The following CSMD3 variants were observed in gnomAD, a reference collection of about 807,000 sequenced individuals.
CSMD3 encodes CUB and sushi domain-containing protein 3.
In CSMD3, 177 loss-of-function variants were observed where a neutral mutation model predicts 435.2. The ratio of observed to expected loss-of-function variants is 0.41; its 90% confidence interval spans 0.36 to 0.46. The LOEUF (loss-of-function observed/expected upper bound fraction) is 0.46, where lower values mean the gene tolerates loss of function less well. CSMD3 is among the 20% of genes least tolerant of loss of function. The pLI is 0.34. For synonymous variants in CSMD3, 1,656 were observed against 1,520.5 expected (o/e 1.09, Z -2.07); for missense variants, 4,265 against 4,504.6 (o/e 0.95, Z 1.52).
chr8:112,732,504 A>G (rs2132019218), intron 13 of CSMD3, among the ~76,000 whole-genome samples: 1 of 151,882 alleles, frequency 6.6e-6, no homozygotes, highest in East Asian at 1.9e-4. Context: ...GCCGAGGTGC[A>G]AGGATCACTT....
chr8:113,306,272 A>G (rs1315224565), intron 2 of CSMD3, among the ~76,000 whole-genome samples: 1 of 152,178 alleles, frequency 6.6e-6, no homozygotes, highest in African/African-American at 2.4e-5. Context: ...GTTTTATTAT[A>G]TAAGAGAGAG....
intron 4 of CSMD3, among the ~76,000 whole-genome samples, chr8:113,146,795 G>T (rs1315376998): frequency 6.6e-6 from 1 of 151,486 alleles, no homozygotes; most frequent in Non-Finnish European, 1.5e-5. Flanking sequence ...GAAAATCTTA[G>T]AATTATAAAG....
At chr8:112,611,322 T>C (rs187449318) in intron 22 of CSMD3, among the ~76,000 whole-genome samples, 34 of 152,264 alleles carry the variant, frequency 2.2e-4, no homozygotes, top group Admixed American at 1.6e-3. Context: ...CTTATAGGTA[T>C]CATGGAGAAT....
chr8:112,667,873 T>C (rs1458347657), intron 16 of CSMD3, among the ~76,000 whole-genome samples: 1 of 152,194 alleles, frequency 6.6e-6, no homozygotes, highest in Non-Finnish European at 1.5e-5. Flanking sequence ...CATGTGTTTA[T>C]ATTTTTCCTA....
chr8:113,417,691 C>A (rs1277623879), intron 1 of CSMD3, among the ~76,000 whole-genome samples: 1 of 151,806 alleles, frequency 6.6e-6, no homozygotes, highest in Non-Finnish European at 1.5e-5. Context: ...AAGTAAGAGA[C>A]CTGAAACAAT....
intron 32 of CSMD3, among the ~76,000 whole-genome samples, chr8:112,458,317 C>T (rs1250335566): frequency 7.5e-6 from 1 of 132,530 alleles, no homozygotes; most frequent in African/African-American, 2.6e-5. Context: ...TTTTTTAAAC[C>T]CCATGTTTCC....
At chr8:112,768,098 GTTC>G (rs1343221944) in intron 13 of CSMD3, among the ~76,000 whole-genome samples, 4 of 151,576 alleles carry the variant, frequency 2.6e-5, no homozygotes, top group East Asian at 1.9e-4. Flanking sequence ...TATAGTTTAT[GTTC>G]TTCTTTCTTT....
intron 32 of CSMD3, among the ~76,000 whole-genome samples, chr8:112,440,316 A>G (rs1301509898): frequency 6.6e-6 from 1 of 152,148 alleles, no homozygotes; most frequent in Non-Finnish European, 1.5e-5. Context: ...TCCAGGTTAT[A>G]CTGATGCAAG....
At chr8:112,751,636 T>C (rs2077572862) in intron 13 of CSMD3, among the ~76,000 whole-genome samples, 2 of 142,818 alleles carry the variant, frequency 1.4e-5, no homozygotes, top group Admixed American at 6.9e-5. Flanking sequence ...AGGTTTTTTT[T>C]TTTTTTTATA....
At chr8:113,166,200 GT>G (rs1303746073) in intron 4 of CSMD3, among the ~76,000 whole-genome samples, 1 of 151,988 alleles carries the variant, frequency 6.6e-6, no homozygotes, top group Non-Finnish European at 1.5e-5. Flanking sequence ...TGTGTAGTGA[GT>G]TTTTAAAATA....
At chr8:112,750,120 A>G (rs1382476934) in intron 13 of CSMD3, among the ~76,000 whole-genome samples, 1 of 152,072 alleles carries the variant, frequency 6.6e-6, no homozygotes, top group Non-Finnish European at 1.5e-5. Flanking sequence ...TATTACAAAA[A>G]TAAAACAAAA....
rs568615134 is a variant in CSMD3 at position 112,732,141 on chromosome 8, A to T, written c.1973-42091T>A. Among the ~76,000 whole-genome samples the T allele has an allele frequency of 3.9e-5, 6 of 152,130 alleles. No individual in the cohort carries two copies. The South Asian group carries it at 1.0e-3, about 26-fold the overall frequency. On this transcript the variant is annotated intron_variant, in intron 13 of 70. Transcript: ENST00000297405. ...ATATTGCTCATGCATTTGTATTTTC[A>T]GGTTGCATTGATACTCAGCTATACT...
At chr8:113,219,597 C>T (rs1335588669) in intron 3 of CSMD3, among the ~76,000 whole-genome samples, 2 of 151,262 alleles carry the variant, frequency 1.3e-5, no homozygotes, top group Non-Finnish European at 3.0e-5. Context: ...AGATGGATAG[C>T]TATTTAGAAA....
At chr8:113,214,748 T>G (rs2132096492) in intron 3 of CSMD3, among the ~76,000 whole-genome samples, 1 of 152,024 alleles carries the variant, frequency 6.6e-6, no homozygotes, top group East Asian at 1.9e-4. Context: ...ATACTCACAC[T>G]AATTTGGTTG....
At chr8:113,348,907 CA>C (rs2094170965) in intron 1 of CSMD3, among the ~76,000 whole-genome samples, 2 of 151,968 alleles carry the variant, frequency 1.3e-5, no homozygotes, top group African/African-American at 4.8e-5. Flanking sequence ...CTGCTTCTTT[CA>C]AATAGATGCT....
At chr8:112,712,807 A>T (rs1339869915) in intron 13 of CSMD3, among the ~76,000 whole-genome samples, 4 of 152,022 alleles carry the variant, frequency 2.6e-5, no homozygotes, top group Admixed American at 6.6e-5. Context: ...AAAAAAAAAA[A>T]AAAGAGCCTG....
At chr8:113,246,494 T>A (rs1477388283) in intron 3 of CSMD3, among the ~76,000 whole-genome samples, 1 of 152,276 alleles carries the variant, frequency 6.6e-6, no homozygotes, top group East Asian at 1.9e-4. Context: ...ACTTAATTCT[T>A]TAGATATAAT....
At chr8:113,399,782 T>C (rs1034811490) in intron 1 of CSMD3, among the ~76,000 whole-genome samples, 2 of 151,936 alleles carry the variant, frequency 1.3e-5, no homozygotes, top group Admixed American at 6.6e-5. Flanking sequence ...AGATACTGAA[T>C]TGTGCATTTT....
chr8:113,264,673 G>T (rs1331717450), intron 3 of CSMD3, among the ~76,000 whole-genome samples: 1 of 151,078 alleles, frequency 6.6e-6, no homozygotes, highest in African/African-American at 2.4e-5. Context: ...TTTAAACAAA[G>T]AAATATTCAT....
Sources: gnomAD v4.1 joint callset for allele counts (sites outside exome capture counted in the v4.1 genomes callset) on GRCh38, gnomAD v4.1.1 for gene constraint, MANE v1.5 for transcripts, NCBI Gene and HGNC (gene_info 2026-07-23, HGNC 2026-07-21) for gene names.